Variants in PRKN observed in about 807,000 individuals in gnomAD.
PRKN encodes the protein E3 ubiquitin-protein ligase parkin.
PRKN carries 56 observed loss-of-function variants against 59.5 expected under a neutral mutation model. The observed-to-expected ratio is 0.94, with a 90% CI of 0.76 to 1.18. PRKN has a LOEUF of 1.18. Among genes scored for constraint, PRKN ranks in the 50% most tolerant of loss-of-function variants. The pLI is 0.00. For missense variants in PRKN, 657 were observed against 596.4 expected (o/e 1.10, Z -1.06); for synonymous variants, 250 against 222.1 (o/e 1.13, Z -1.12).
At chr6:161,702,199 G>A (rs905170634) in intron 7 of PRKN, among the ~76,000 whole-genome samples, 4 of 152,080 alleles carry the variant, frequency 2.6e-5, no homozygotes, top group East Asian at 1.9e-4. Context: ...AAATGCCATC[G>A]GAAGATGAGA....
chr6:161,364,471 C>T (rs1375391591), intron 10 of PRKN, among the ~76,000 whole-genome samples: 3 of 75,144 alleles, frequency 4.0e-5, no homozygotes, highest in African/African-American at 7.3e-5. Flanking sequence ...CCACCCGCCC[C>T]GCAAAAAAAA....
chr6:162,076,586 G>A (rs561674039), intron 4 of PRKN, among the ~76,000 whole-genome samples: 4 of 152,232 alleles, frequency 2.6e-5, no homozygotes, highest in African/African-American at 9.6e-5. Context: ...AGAAGAGGAA[G>A]TCTTAATTTT....
chr6:162,034,186 T>TAG (rs71643580), intron 5 of PRKN, among the ~76,000 whole-genome samples: 1,767 of 133,260 alleles, frequency 0.013, 17 homozygotes, highest in South Asian at 0.018. Context: ...TATATATATA[T>TAG]AGAGAGAGAG....
At chr6:161,676,395 C>T (rs1467033673) in intron 7 of PRKN, among the ~76,000 whole-genome samples, 5 of 152,304 alleles carry the variant, frequency 3.3e-5, no homozygotes, top group Middle Eastern at 3.4e-3. Context: ...AGCTAAAATG[C>T]CTTGGAGCTC....
intron 6 of PRKN, among the ~76,000 whole-genome samples, chr6:161,795,259 G>A (rs1426134276): frequency 1.4e-5 from 2 of 145,080 alleles, no homozygotes; most frequent in African/African-American, 5.1e-5. Flanking sequence ...CTGAGACAGG[G>A]TCTCACTCTC....
At chr6:162,089,246 T>C (rs2128295692) in intron 4 of PRKN, among the ~76,000 whole-genome samples, 1 of 152,248 alleles carries the variant, frequency 6.6e-6, no homozygotes, top group South Asian at 2.1e-4. Context: ...AGAATCTGAA[T>C]AGACATTTTT....
At chr6:161,986,125 T>C (rs1374919101) in intron 5 of PRKN, among the ~76,000 whole-genome samples, 1 of 152,150 alleles carries the variant, frequency 6.6e-6, no homozygotes, top group Non-Finnish European at 1.5e-5. Flanking sequence ...AATGACCCAA[T>C]GACCCAGAAG....
At chr6:162,297,764 A>G (rs57947219) in intron 2 of PRKN, among the ~76,000 whole-genome samples, 5,997 of 152,228 alleles carry the variant, frequency 0.039, 395 homozygotes, top group African/African-American at 0.13. Flanking sequence ...TCATCTAAAA[A>G]TAAATGTATC....
chr6:162,673,094 TTAAATA>T (rs1351630410), intron 1 of PRKN, among the ~76,000 whole-genome samples: 3 of 152,314 alleles, frequency 2.0e-5, no homozygotes, highest in Non-Finnish European at 4.4e-5. Flanking sequence ...TTTATACATA[TTAAATA>T]TAGTCACTGC....
intron 1 of PRKN, among the ~76,000 whole-genome samples, chr6:162,591,431 G>A (rs1304288868): frequency 2.0e-5 from 3 of 151,952 alleles, no homozygotes; most frequent in African/African-American, 7.3e-5. Flanking sequence ...ATGTTGTTAC[G>A]TGCATTGAAT....
At chr6:162,619,137 A>C (rs1583919358) in intron 1 of PRKN, among the ~76,000 whole-genome samples, 1 of 123,670 alleles carries the variant, frequency 8.1e-6, no homozygotes, top group South Asian at 2.6e-4. Flanking sequence ...CTAATCCAGT[A>C]TTTTTCCTTT....
chr6:161,794,916 G>A (rs1328647379), intron 6 of PRKN, among the ~76,000 whole-genome samples: 13 of 151,688 alleles, frequency 8.6e-5, no homozygotes, highest in Non-Finnish European at 2.9e-5. Flanking sequence ...GTGGAGTCTC[G>A]TTCTGTCACC....
At chr6:161,802,927 A>G (rs1791151440) in intron 6 of PRKN, among the ~76,000 whole-genome samples, 1 of 152,120 alleles carries the variant, frequency 6.6e-6, no homozygotes, top group South Asian at 2.1e-4. Context: ...TTTTGGCCAT[A>G]TAATTACTTA....
intron 7 of PRKN, chr6:161,783,518 C>CCTTA (rs1790294567): frequency 2.3e-6 from 1 of 429,912 alleles, no homozygotes; most frequent in Non-Finnish European, 4.4e-6. Context: ...TAGTATTTTT[C>CCTTA]CTTACTTTTG....
intron 7 of PRKN, among the ~76,000 whole-genome samples, chr6:161,636,571 A>G (rs1783529667): frequency 6.6e-6 from 1 of 152,134 alleles, no homozygotes. Context: ...ACTATTTGCA[A>G]CGAAAGAGCC....
intron 7 of PRKN, among the ~76,000 whole-genome samples, chr6:161,603,893 A>G (rs1782187682): frequency 6.6e-6 from 1 of 152,208 alleles, no homozygotes; most frequent in Admixed American, 6.5e-5. Context: ...CTATGGTCTG[A>G]ATGTTTATGT....
rs376662625 is a variant in PRKN at position 161,360,062 on chromosome 6, T to A, written c.1285+26A>T. ...CTCCCCCAAAGAGCACACGACATCC[T>A]CATTCTCTGCTCAGCACAGACTCAC... On this transcript the variant is annotated intron_variant, in intron 11 of 11. Coordinates refer to ENST00000366898, the MANE Select transcript of PRKN (RefSeq NM_004562.3). The surrounding 1 kb of genome is among the most constrained non-coding windows in gnomAD (Gnocchi z 5.1). The A allele has an allele frequency of 6.7e-7, 1 of 1,493,490 alleles. No individual in the cohort carries two copies. Among genetic ancestry groups the A allele is most frequent in the Non-Finnish European group, 9.3e-7 (1 of 1,069,816 alleles). 92.5% of individuals were successfully genotyped at this position (1,493,490 alleles called of 1,614,324 possible).
intron 5 of PRKN, among the ~76,000 whole-genome samples, chr6:161,973,951 C>T (rs1370036231): frequency 1.3e-5 from 2 of 152,208 alleles, no homozygotes; most frequent in Non-Finnish European, 2.9e-5. Flanking sequence ...CACAAGTACA[C>T]ATGGACTCCT....
chr6:161,941,664 T>G (rs1231277707), intron 6 of PRKN, among the ~76,000 whole-genome samples: 1 of 152,182 alleles, frequency 6.6e-6, no homozygotes, highest in Non-Finnish European at 1.5e-5. Context: ...CCACTGGGGT[T>G]TCAGGAGCTG....
Sources: allele counts gnomAD v4.1 joint callset (sites outside exome capture counted in the v4.1 genomes callset), GRCh38; gene constraint gnomAD v4.1.1; non-coding constraint Gnocchi (gnomAD v3.1); transcripts MANE v1.5; gene names NCBI Gene and HGNC (gene_info 2026-07-23, HGNC 2026-07-21).